The following COMMD10 variants were observed in gnomAD, a reference collection of about 807,000 sequenced individuals.
The protein encoded by COMMD10 is COMM domain containing 10, also known as COMM domain-containing protein 10.
Under a neutral mutation model 28.9 loss-of-function variants are expected in COMMD10, and 33 were observed. That is an observed-to-expected ratio of 1.14 (90% CI 0.87 to 1.53). COMMD10 has a LOEUF of 1.53. COMMD10 is among the 40% of genes most tolerant of loss of function. The pLI is 0.00. For synonymous variants in COMMD10, 110 were observed against 81.7 expected (o/e 1.35, Z -1.87); for missense variants, 310 against 233.4 (o/e 1.33, Z -2.14).
chr5:116,259,640 C>G (rs978946880), intron 5 of COMMD10, among the ~76,000 whole-genome samples: 3 of 151,692 alleles, frequency 2.0e-5, no homozygotes, highest in East Asian at 3.9e-4. Flanking sequence ...TCCCTTTTTA[C>G]TTCTTGTACT....
chr5:116,274,876 C>A (rs539718160), intron 5 of COMMD10, among the ~76,000 whole-genome samples: 1 of 151,948 alleles, frequency 6.6e-6, no homozygotes, highest in Non-Finnish European at 1.5e-5. Context: ...TAATTTCTGT[C>A]TGTTTTTCTC....
At chr5:116,180,601 T>C (rs1298772050) in intron 5 of COMMD10, among the ~76,000 whole-genome samples, 1 of 152,098 alleles carries the variant, frequency 6.6e-6, no homozygotes, top group East Asian at 1.9e-4. Context: ...TTTAAGAAAT[T>C]ATACGTTTTT....
At chr5:116,229,930 A>C (rs1749486017) in intron 5 of COMMD10, among the ~76,000 whole-genome samples, 2 of 151,852 alleles carry the variant, frequency 1.3e-5, no homozygotes. Context: ...ACCACCTAAA[A>C]ACACTAGATA....
chr5:116,270,391 A>G (rs1428426609), intron 5 of COMMD10, among the ~76,000 whole-genome samples: 3 of 151,966 alleles, frequency 2.0e-5, no homozygotes, highest in African/African-American at 7.3e-5. Flanking sequence ...TCTAGGCAAA[A>G]AAGGTAGAAC....
intron 5 of COMMD10, among the ~76,000 whole-genome samples, chr5:116,227,264 A>T (rs569659763): frequency 1.3e-5 from 2 of 152,126 alleles, no homozygotes; most frequent in African/African-American, 2.4e-5. Flanking sequence ...TCGTTAATGG[A>T]GCATCTCATT....
In COMMD10 at chr5:116,223,359, C is replaced by CA. The variant is rs11342039; in HGVS notation, c.511-68149dup. On this transcript the variant is annotated intron_variant, in intron 5 of 6. Transcript: ENST00000274458. Reference sequence around the variant, plus strand: ...TCTTATTACAATGTAATATGTGGAACAAAAAAAAATAGTAAGGATATGGCT... The same window carrying CA: ...TCTTATTACAATGTAATATGTGGAACAAAAAAAAAATAGTAAGGATATGGCT... Among the ~76,000 whole-genome samples the CA allele has an allele frequency of 2.2e-3, 331 of 150,116 alleles. 4 individuals are homozygous for CA. The highest frequency in any genetic ancestry group is 0.019 in the South Asian group (89 of 4,744).
At chr5:116,173,657 A>G (rs1753408338) in intron 5 of COMMD10, among the ~76,000 whole-genome samples, 1 of 152,114 alleles carries the variant, frequency 6.6e-6, no homozygotes, top group South Asian at 2.1e-4. Context: ...TCCAAAAGTT[A>G]TGGTCTGTTC....
chr5:116,263,874 C>T (rs1368168654), intron 5 of COMMD10, among the ~76,000 whole-genome samples: 1 of 151,762 alleles, frequency 6.6e-6, no homozygotes, highest in Non-Finnish European at 1.5e-5. Flanking sequence ...CCCCGACCAC[C>T]TTGGGCACAT....
chr5:116,137,526 A>G (rs1233748799), intron 5 of COMMD10, among the ~76,000 whole-genome samples: 2 of 152,138 alleles, frequency 1.3e-5, no homozygotes, highest in East Asian at 1.9e-4. Flanking sequence ...CTGAAAATAT[A>G]CATATATTAA....
At chr5:116,204,957 T>C (rs185567428) in intron 5 of COMMD10, among the ~76,000 whole-genome samples, 5 of 152,212 alleles carry the variant, frequency 3.3e-5, no homozygotes, top group Admixed American at 2.6e-4. Flanking sequence ...ATGGTAAACC[T>C]TCTGTTTGTT....
At chr5:116,174,633 G>A (rs1339117680) in intron 5 of COMMD10, among the ~76,000 whole-genome samples, 2 of 152,010 alleles carry the variant, frequency 1.3e-5, no homozygotes, top group African/African-American at 4.8e-5. Context: ...AGGGAATATG[G>A]TAGGATTTGT....
rs138534852 is a variant in COMMD10 at position 116,228,235 on chromosome 5, C to A, written c.511-63282C>A. On this transcript the variant is annotated intron_variant, in intron 5 of 6. Coordinates refer to ENST00000274458, the MANE Select transcript of COMMD10 (RefSeq NM_016144.4). ...AGTGATTTGGTTGAAAAATAAACTT[C>A]TAATTCCCCTTTAAAAACTGAGAAG... 2.8e-4 allele frequency among the ~76,000 whole-genome samples: 42 copies of A among 151,984 alleles called. 1 individual carries two copies. The highest frequency in any genetic ancestry group is 9.9e-4 in the African/African-American group (41 of 41,506).
chr5:116,154,134 T>C (rs757514810), intron 5 of COMMD10, among the ~76,000 whole-genome samples: 1 of 152,056 alleles, frequency 6.6e-6, no homozygotes, highest in Non-Finnish European at 1.5e-5. Context: ...GCTGCGTTAT[T>C]ACTTAACTGC....
At chr5:116,121,669 C>A (rs1260815837) in intron 4 of COMMD10, among the ~76,000 whole-genome samples, 1 of 152,158 alleles carries the variant, frequency 6.6e-6, no homozygotes, top group East Asian at 1.9e-4. Flanking sequence ...TTAATGATCG[C>A]CATTCTAACT....
Position 116,252,345 on chromosome 5 carries a change from T to C in COMMD10, c.511-39172T>C, listed in dbSNP as rs1194372707. 2.2e-4 allele frequency among the ~76,000 whole-genome samples: 32 copies of C among 142,754 alleles called. 2 individuals carry two copies. In the East Asian group the frequency reaches 5.9e-3, roughly 26 times the overall value. The allele number at this position is 142,754 out of a possible 152,430, so 93.7% of individuals were successfully genotyped here. The stretch of plus-strand genomic sequence containing the variant: ...AATTTTGGCTTTTGTTGCCATTGCT[T>C]TTGGTGTTTTAGACATGAAGTCCTT... On this transcript the variant is annotated intron_variant, in intron 5 of 6. Transcript: ENST00000274458.
chr5:116,281,757 G>T (rs1407091419), intron 5 of COMMD10, among the ~76,000 whole-genome samples: 1 of 151,794 alleles, frequency 6.6e-6, no homozygotes, highest in African/African-American at 2.4e-5. Flanking sequence ...TTTGATTCAT[G>T]TAATGCATGT....
intron 6 of COMMD10, 142 bp downstream of exon 6, chr5:116,291,718 A>G (rs1751366952): frequency 2.0e-6 from 1 of 507,458 alleles, no homozygotes; most frequent in Non-Finnish European, 3.4e-6. Flanking sequence ...TATGTTTCAC[A>G]GGAGGAAGTA....
At chr5:116,255,228 C>T (rs1006867967) in intron 5 of COMMD10, among the ~76,000 whole-genome samples, 2 of 151,756 alleles carry the variant, frequency 1.3e-5, no homozygotes, top group African/African-American at 4.9e-5. Context: ...ACACAGCACA[C>T]TGATGGGTCT....
chr5:116,117,808 A>G (rs1751290233), intron 4 of COMMD10, among the ~76,000 whole-genome samples: 2 of 152,200 alleles, frequency 1.3e-5, no homozygotes, highest in South Asian at 4.1e-4. Context: ...TTGTTTTAAA[A>G]AAACGTTTTG....
Sources: gnomAD v4.1 joint callset for allele counts (sites outside exome capture counted in the v4.1 genomes callset) on GRCh38, gnomAD v4.1.1 for gene constraint, MANE v1.5 for transcripts, NCBI Gene and HGNC (gene_info 2026-07-23, HGNC 2026-07-21) for gene names.